Variants in SETD2 observed in about 807,000 individuals in gnomAD.
SETD2 encodes histone-lysine N-methyltransferase SETD2.
Under a neutral mutation model 242.1 loss-of-function variants are expected in SETD2, and 31 were observed. The ratio of observed to expected loss-of-function variants is 0.13; its 90% CI spans 0.10 to 0.17. The LOEUF is 0.17. SETD2 is among the 10% of genes least tolerant of loss of function. The probability of loss-of-function intolerance (pLI) is 1.00; values close to 1 mark genes in which losing one functional copy is unlikely to be tolerated. For missense variants in SETD2, 2,481 were observed against 3,046.3 expected (o/e 0.81, Z 4.37); for synonymous variants, 1,006 against 1,066.5 (o/e 0.94, Z 1.11).
In SETD2 at chr3:47,046,720, C is replaced by T. The variant is rs543733388; in HGVS notation, c.6964-99G>A. 7.0e-5 allele frequency: 73 copies of T among 1,040,090 alleles called. No homozygotes were observed. The African/African-American group carries it at 1.2e-3, about 16-fold the overall frequency. 64.4% of individuals were successfully genotyped at this position (1,040,090 alleles called of 1,614,324 possible). ...CACAATCTTAAAGATATACCCATAA[C>T]ATTTTAAAATTTTTTGTTTATATAT... is the stretch of plus-strand genomic sequence containing the variant. On this transcript the variant is annotated intron_variant, in intron 15 of 20. Coordinates refer to ENST00000409792, the MANE Select transcript of SETD2 (RefSeq NM_014159.7).
chr3:47,068,176 A>G (rs1331532930), intron 12 of SETD2, among the ~76,000 whole-genome samples: 9 of 152,200 alleles, frequency 5.9e-5, no homozygotes, highest in Non-Finnish European at 1.2e-4. Flanking sequence ...ACATAAGGTG[A>G]TATCATCCCT....
At chr3:47,153,523 G>C (rs190090369) in intron 1 of SETD2, among the ~76,000 whole-genome samples, 14 of 152,332 alleles carry the variant, frequency 9.2e-5, no homozygotes, top group Admixed American at 2.6e-4. Context: ...GCCGAGGTGG[G>C]AGGATTCCTT....
At chr3:47,154,386 G>A (rs1420791742) in intron 1 of SETD2, among the ~76,000 whole-genome samples, 1 of 152,022 alleles carries the variant, frequency 6.6e-6, no homozygotes, top group Non-Finnish European at 1.5e-5. Context: ...TCCAGCCTGG[G>A]CAAGAGAGCG....
intron 1 of SETD2, among the ~76,000 whole-genome samples, chr3:47,153,006 GAAGT>G: frequency 6.6e-6 from 1 of 152,302 alleles, no homozygotes; most frequent in South Asian, 2.1e-4. Flanking sequence ...AAAAAAGACT[GAAGT>G]AACCATTAGC....
rs61571386 is a variant in SETD2, at chr3:47,101,597, AGTGTGTGTGTGTGTGTGTGTGT to A, written c.4918-64_4918-43del. ...AAACAAAAGAAATTAGTAACTTATTAGTGTGTGTGTGTGTGTGTGTGTGTGTGTGTGTGTGTGCGCATATATA... is the reference window on the plus strand; with the variant it reads ...AAACAAAAGAAATTAGTAACTTATTAGTGTGTGTGTGTGTGCGCATATATA... On this transcript the variant is annotated intron_variant, in intron 7 of 20. Transcript: ENST00000409792. The A allele has an allele frequency of 1.2e-5, 9 of 734,106 alleles. No individual in the cohort carries two copies. The East Asian group carries it at 1.7e-4, about 13-fold the overall frequency. The allele number at this position is 734,106 out of a possible 1,614,324, so 45.5% of individuals were successfully genotyped here.
intron 3 of SETD2, among the ~76,000 whole-genome samples, chr3:47,117,537 T>C (rs895194166): frequency 1.3e-5 from 2 of 152,160 alleles, no homozygotes; most frequent in African/African-American, 2.4e-5. Context: ...GAGCAAATAA[T>C]AGTTGAGATA....
Position 47,123,941 on chromosome 3 carries a change from T to C in SETD2, c.695A>G (p.Asp232Gly), listed in dbSNP as rs1452709845. 3 of 1,551,760 alleles carry C rather than the reference T, an allele frequency of 1.9e-6. No homozygotes were observed. Among genetic ancestry groups the C allele is most frequent in the Non-Finnish European group, 2.6e-6 (3 of 1,146,598 alleles). Reference protein sequence around the residue: ...LMAAPVPLPVDVAVRSLKEPP... With the variant: ...LMAAPVPLPVGVAVRSLKEPP... ...TTCTTTCAGAGATCTAACTGCTACATCTACTGGTAAGGGTACTGGTGCTGC... is the reference window on the plus strand; with the variant it reads ...TTCTTTCAGAGATCTAACTGCTACACCTACTGGTAAGGGTACTGGTGCTGC... Residue 232 changes from aspartate (D) to glycine (G), a missense_variant, in exon 3 of 21, where the codon GAT becomes GGT. By Grantham distance (94) the Asp-to-Gly change is moderately conservative (BLOSUM62 -1). Coordinates refer to ENST00000409792, the MANE Select transcript of SETD2 (RefSeq NM_014159.7).
At chr3:47,157,886 G>A (rs1295164105) in intron 1 of SETD2, among the ~76,000 whole-genome samples, 5 of 146,874 alleles carry the variant, frequency 3.4e-5, no homozygotes, top group African/African-American at 5.0e-5. Flanking sequence ...AAAAAAAAAA[G>A]AAAAGAAAAA....
At chr3:47,162,468 T>C (rs1241759759) in intron 1 of SETD2, among the ~76,000 whole-genome samples, 1 of 152,210 alleles carries the variant, frequency 6.6e-6, no homozygotes, top group African/African-American at 2.4e-5. Context: ...CCATGTTAAC[T>C]TACTATTGCA....
At chr3:47,103,932 T>C (rs911254565) in intron 6 of SETD2, among the ~76,000 whole-genome samples, 12 of 152,230 alleles carry the variant, frequency 7.9e-5, no homozygotes, top group Non-Finnish European at 1.8e-4. Context: ...ATTTCTTATA[T>C]TCTATTACAT....
At chr3:47,128,716 T>C (rs994531859) in intron 1 of SETD2, among the ~76,000 whole-genome samples, 5 of 152,196 alleles carry the variant, frequency 3.3e-5, no homozygotes, top group Admixed American at 2.6e-4. Flanking sequence ...CTGTACTTCA[T>C]CAATTCTATG....
At position 47,088,262 on chromosome 3, in the gene SETD2, A is replaced by C. The variant is rs1211271776; in HGVS notation, c.5143-15T>G. Reference sequence around the variant, plus strand: ...TCTCCATCCACCTACCACAGCAAATAAAAATACCTTTTTATAAAACAACAA... The same window carrying C: ...TCTCCATCCACCTACCACAGCAAATCAAAATACCTTTTTATAAAACAACAA... On this transcript the variant is annotated splice_polypyrimidine_tract_variant and intron_variant, in intron 9 of 20. Coordinates refer to ENST00000409792, the MANE Select transcript of SETD2 (RefSeq NM_014159.7). The C allele has an allele frequency of 6.3e-7, 1 of 1,582,254 alleles. No homozygotes were observed.
chr3:47,088,609 T>C lies in SETD2; in HGVS notation c.5143-362A>G, dbSNP rs532135601. On this transcript the variant is annotated intron_variant, in intron 9 of 20. Coordinates refer to ENST00000409792, the MANE Select transcript of SETD2 (RefSeq NM_014159.7). ...CATTAAACCAAAAGGACTTCAGAGA[T>C]CCTTTATGGTTCATAAATATGATGA... Among the ~76,000 whole-genome samples, 253 of 152,232 alleles carry C rather than the reference T, an allele frequency of 1.7e-3. 2 individuals are homozygous for C. Among genetic ancestry groups the C allele is most frequent in the African/African-American group, 5.4e-3 (225 of 41,546 alleles).
intron 15 of SETD2, among the ~76,000 whole-genome samples, chr3:47,051,271 AT>A (rs2039833030): frequency 6.6e-6 from 1 of 151,754 alleles, no homozygotes. Flanking sequence ...CATCCAACTA[AT>A]TTTTGTATTT....
chr3:47,053,752 G>C (rs1440444318), intron 15 of SETD2, among the ~76,000 whole-genome samples: 1 of 152,138 alleles, frequency 6.6e-6, no homozygotes, highest in African/African-American at 2.4e-5. Context: ...GGCTCCTAGA[G>C]GTCAGATTTT....
intron 17 of SETD2, 144 bp from the exon 18 acceptor site, chr3:47,037,921 T>C: frequency 3.3e-6 from 2 of 610,074 alleles, no homozygotes; most frequent in Admixed American, 2.5e-5. Context: ...ACAAACTTTT[T>C]CTATCTTCCT....
chr3:47,156,601 A>G (rs1484308537), intron 1 of SETD2, among the ~76,000 whole-genome samples: 2 of 152,220 alleles, frequency 1.3e-5, no homozygotes, highest in Non-Finnish European at 2.9e-5. Flanking sequence ...CAGGCTTTCC[A>G]TACTTACCAG....
chr3:47,066,151 G>C (rs1356286129), intron 13 of SETD2, among the ~76,000 whole-genome samples: 1 of 152,110 alleles, frequency 6.6e-6, no homozygotes, highest in Non-Finnish European at 1.5e-5. Flanking sequence ...TTAATGAAGA[G>C]TAAATATATT....
chr3:47,036,905 T>TA lies in SETD2; in HGVS notation c.7350+760dup, dbSNP rs60186354. ...CAACAGAGTGAGACTCCGTCTCATTTAAAAAAAAAAGGCAAAGAGAACAAG... is the reference window on the plus strand; with the variant it reads ...CAACAGAGTGAGACTCCGTCTCATTTAAAAAAAAAAAGGCAAAGAGAACAAG... On this transcript the variant is annotated intron_variant, in intron 18 of 20. Transcript: ENST00000409792. 3.8e-4 allele frequency among the ~76,000 whole-genome samples: 45 copies of TA among 117,884 alleles called. 1 individual carries two copies. The highest frequency in any genetic ancestry group is 5.3e-4 in the Admixed American group (6 of 11,234). The allele number at this position is 117,884 out of a possible 152,430, so 77.3% of individuals were successfully genotyped here. A position where few individuals can be genotyped will look rare whatever the true frequency, so the allele number is the denominator to read the frequency against.
Sources: gnomAD v4.1 joint callset for allele counts (sites outside exome capture counted in the v4.1 genomes callset) on GRCh38, gnomAD v4.1.1 for gene constraint, MANE v1.5 for transcripts, NCBI Gene and HGNC (gene_info 2026-07-23, HGNC 2026-07-21) for gene names.